Variants in RNF19A observed in about 807,000 individuals in gnomAD.
RNF19A encodes the protein E3 ubiquitin-protein ligase RNF19A.
RNF19A carries 32 observed loss-of-function variants against 75.7 expected under a neutral mutation model. That is an observed-to-expected ratio of 0.42 (90% CI 0.32 to 0.57). The LOEUF (loss-of-function observed/expected upper bound fraction) is 0.57, where lower values mean the gene tolerates loss of function less well. Among genes scored for constraint, RNF19A ranks in the 20% least tolerant of loss-of-function variants. The pLI is 0.10. For synonymous variants in RNF19A, 335 were observed against 345.2 expected (o/e 0.97, Z 0.33); for missense variants, 782 against 1,036.3 (o/e 0.75, Z 3.37).
In RNF19A at chr8:100,329,942, A is replaced by G. The variant is rs1210643563; in HGVS notation, c.-243+6166T>C. Reference sequence around the variant, plus strand: ...ATTTAAATACTTTCCAAAATCATGAACTATCTATTACTGAATATGTTCAAG... The same window carrying G: ...ATTTAAATACTTTCCAAAATCATGAGCTATCTATTACTGAATATGTTCAAG... On this transcript the variant is annotated intron_variant, in intron 1 of 3. Transcript: ENST00000519527. This position sits in a 1 kb window ranked among gnomAD's most constrained non-coding sequence, Gnocchi z 4.3. 6.6e-6 allele frequency among the ~76,000 whole-genome samples: 1 copy of G among 152,248 alleles called. No individual in the cohort carries two copies.
At chr8:100,308,943 T>C (rs916912023) in intron 1 of RNF19A, among the ~76,000 whole-genome samples, 6 of 152,180 alleles carry the variant, frequency 3.9e-5, no homozygotes, top group African/African-American at 9.7e-5. Flanking sequence ...CAAGGGTCAA[T>C]GGGAAAAAAT....
In RNF19A at chr8:100,261,417, T is replaced by G. The variant is rs1444676735; in HGVS notation, c.1682+125A>C. On this transcript the variant is annotated intron_variant, in intron 8 of 9. Transcript: ENST00000341084. The surrounding 1 kb of genome is among the most constrained non-coding windows in gnomAD (Gnocchi z 4.4). ...CTGGCCCCAAATTTCATTTTTAACATTACTATTTTGAACCTTGACATAGTA... is the reference window on the plus strand; with the variant it reads ...CTGGCCCCAAATTTCATTTTTAACAGTACTATTTTGAACCTTGACATAGTA... The G allele has an allele frequency of 1.2e-6, 1 of 859,628 alleles. No individual in the cohort carries two copies. Among genetic ancestry groups the G allele is most frequent in the East Asian group, 2.6e-5 (1 of 38,112 alleles). 53.3% of individuals were successfully genotyped at this position (859,628 alleles called of 1,614,324 possible). A position where few individuals can be genotyped will look rare whatever the true frequency, so the allele number is the denominator to read the frequency against.
intron 5 of RNF19A, among the ~76,000 whole-genome samples, chr8:100,265,687 A>G (rs1819940549): frequency 6.6e-6 from 1 of 152,228 alleles, no homozygotes; most frequent in South Asian, 2.1e-4. Flanking sequence ...ACATGGTATA[A>G]TAACACCTTT....
chr8:100,276,622 GCA>G (rs1260513623), intron 2 of RNF19A, among the ~76,000 whole-genome samples: 1 of 151,192 alleles, frequency 6.6e-6, no homozygotes, highest in Non-Finnish European at 1.5e-5. Context: ...GGGAGTGGTG[GCA>G]CACACCTTTA....
rs142007721 is a variant in RNF19A at position 100,299,772 on chromosome 8, G to GA, written c.-94+10094dup. Among the ~76,000 whole-genome samples, 15 of 148,454 alleles carry GA rather than the reference G, an allele frequency of 1.0e-4. No homozygotes were observed. In the South Asian group the frequency reaches 1.1e-3, roughly 11 times the overall value. On this transcript the variant is annotated intron_variant, in intron 1 of 9. Coordinates refer to ENST00000341084, the MANE Select transcript of RNF19A (RefSeq NM_183419.4). ...AAACTCTGTCTCAAAATAAAAAAAA[G>GA]AAAAAAAAAAGTATTAAGTGTTTGG...
At chr8:100,262,421 A>G (rs909468811) in intron 7 of RNF19A, among the ~76,000 whole-genome samples, 2 of 152,212 alleles carry the variant, frequency 1.3e-5, no homozygotes, top group Admixed American at 6.5e-5. Context: ...GTGAGTCATG[A>G]AATTTTCTAG....
At position 100,258,144 on chromosome 8, in the gene RNF19A, T is replaced by C. The variant is rs560801131; in HGVS notation, c.*412A>G. On this transcript the variant is annotated 3_prime_UTR_variant, in exon 10 of 10. Coordinates refer to ENST00000341084, the MANE Select transcript of RNF19A (RefSeq NM_183419.4). This position sits in a 1 kb window ranked among gnomAD's most constrained non-coding sequence, Gnocchi z 4.3. ...AACCTATGCAGTTCTTTTAAACTTATCTCTTTAGTGGTTTCAATAAAATAT... is the reference window on the plus strand; with the variant it reads ...AACCTATGCAGTTCTTTTAAACTTACCTCTTTAGTGGTTTCAATAAAATAT... The C allele has an allele frequency of 7.0e-4, 282 of 403,868 alleles. No individual in the cohort carries two copies. Among genetic ancestry groups the C allele is most frequent in the Non-Finnish European group, 1.0e-3 (232 of 229,440 alleles). 25.0% of individuals were successfully genotyped at this position (403,868 alleles called of 1,614,324 possible).
upstream of RNF19A, among the ~76,000 whole-genome samples, chr8:100,311,284 T>C (rs889623807): frequency 1.3e-5 from 2 of 152,206 alleles, no homozygotes; most frequent in Non-Finnish European, 2.9e-5. Flanking sequence ...TTATTTTCAT[T>C]TATGGGAAGT....
chr8:100,269,374 T>A lies in RNF19A; in HGVS notation c.1029-427A>T, dbSNP rs1445718007. Among the ~76,000 whole-genome samples the A allele has an allele frequency of 6.6e-6, 1 of 151,832 alleles. No homozygotes were observed. Among genetic ancestry groups the A allele is most frequent in the Non-Finnish European group, 1.5e-5 (1 of 67,918 alleles). ...ATGTATGGGAAAATTCAATGAAGTA[T>A]AAGGTAAGAACCACTGTAAATTATA... On this transcript the variant is annotated intron_variant, in intron 4 of 9. Coordinates refer to ENST00000341084, the MANE Select transcript of RNF19A (RefSeq NM_183419.4). The surrounding 1 kb of genome is among the most constrained non-coding windows in gnomAD (Gnocchi z 5.7).
rs752749789 is a variant in RNF19A, at chr8:100,287,763, G to A, written c.412C>T (p.Arg138Trp). 14 of 1,613,942 alleles carry A rather than the reference G, an allele frequency of 8.7e-6. No homozygotes were observed. Among genetic ancestry groups the A allele is most frequent in the Non-Finnish European group, 1.2e-5 (14 of 1,180,004 alleles). The change falls in exon 2 of 10, where the codon CGG becomes TGG. Residue 138 changes from arginine to tryptophan, a missense_variant. Physicochemically the swap from Arg to Trp is moderately radical, Grantham distance 101. Around this residue, in one of 7 missense-constraint regions of RNF19A, gnomAD observed 85 missense variants for 177.7 expected, o/e 0.48. Transcript: ENST00000341084. The surrounding 1 kb of genome is among the most constrained non-coding windows in gnomAD (Gnocchi z 4.1). The stretch of plus-strand genomic sequence containing the variant: ...TCAGGAAATCTGTCTTTAGAATGCC[G>A]CAAAAGGCACAAAGGGCACTCTATG... Reference protein sequence around the residue: ...DFIECPLCLLRHSKDRFPDIM... With the variant: ...DFIECPLCLLWHSKDRFPDIM...
chr8:100,261,493 TA>T lies in RNF19A; in HGVS notation c.1682+48del. 1 of 1,435,892 alleles carries T rather than the reference TA, an allele frequency of 7.0e-7. No individual in the cohort carries two copies. Among genetic ancestry groups the T allele is most frequent in the Non-Finnish European group, 9.8e-7 (1 of 1,019,510 alleles). 88.9% of individuals were successfully genotyped at this position (1,435,892 alleles called of 1,614,324 possible). On this transcript the variant is annotated intron_variant, in intron 8 of 9. Transcript: ENST00000341084. The surrounding 1 kb of genome is among the most constrained non-coding windows in gnomAD (Gnocchi z 4.4). The stretch of plus-strand genomic sequence containing the variant: ...ATGTTCAAAATTCTCACCTAATTAA[TA>T]ATTTGTAGTTACCAGAAAGCAGAAC...
chr8:100,329,419 C>T lies in RNF19A; in HGVS notation c.-243+6689G>A, dbSNP rs1822581896. Among the ~76,000 whole-genome samples, 1 of 151,750 alleles carries T rather than the reference C, an allele frequency of 6.6e-6. No individual in the cohort carries two copies. Among genetic ancestry groups the T allele is most frequent in the Non-Finnish European group, 1.5e-5 (1 of 67,934 alleles). The stretch of plus-strand genomic sequence containing the variant: ...AGCTCAAAATGAGTGAGTTGTGATA[C>T]AGTGCTGCAAAAACAAAACAAAACA... On this transcript the variant is annotated intron_variant, in intron 1 of 3. Transcript: ENST00000519527. The surrounding 1 kb of genome is among the most constrained non-coding windows in gnomAD (Gnocchi z 4.3).
chr8:100,314,133 C>T (rs1050826169), upstream of RNF19A, among the ~76,000 whole-genome samples: 2 of 151,956 alleles, frequency 1.3e-5, no homozygotes, highest in Non-Finnish European at 2.9e-5. This position sits in a 1 kb window ranked among gnomAD's most constrained non-coding sequence, Gnocchi z 4.1. Flanking sequence ...CTGCCCAGCT[C>T]AGCCTTACAA....
intron 1 of RNF19A, among the ~76,000 whole-genome samples, chr8:100,291,780 A>G (rs904490222): frequency 2.6e-5 from 4 of 152,234 alleles, no homozygotes; most frequent in African/African-American, 9.6e-5. Flanking sequence ...AAATATGGAG[A>G]AAATCCAGTA....
In RNF19A at chr8:100,269,022, A is replaced by G; in HGVS notation, c.1029-75T>C. The G allele has an allele frequency of 8.5e-7, 1 of 1,178,724 alleles. No homozygotes were observed. 73.0% of individuals were successfully genotyped at this position (1,178,724 alleles called of 1,614,324 possible). On this transcript the variant is annotated intron_variant, in intron 4 of 9. Transcript: ENST00000341084. The surrounding 1 kb of genome is among the most constrained non-coding windows in gnomAD (Gnocchi z 5.7). ...ACAAATTAGTGCACTATATTAAAAC[A>G]ATGACTATTTTTAAAAACTTCTCAT...
intron 5 of RNF19A, among the ~76,000 whole-genome samples, chr8:100,268,324 T>C (rs879289529): frequency 1.3e-5 from 2 of 151,988 alleles, no homozygotes; most frequent in Non-Finnish European, 2.9e-5. Flanking sequence ...ATTTGCAAAA[T>C]AGTGTATTTA....
chr8:100,303,261 A>G (rs2130176003), intron 1 of RNF19A: 2 of 152,274 alleles, frequency 1.3e-5, no homozygotes, highest in East Asian at 3.9e-4. Flanking sequence ...GGTGACTATA[A>G]GCATTCCTCG....
intron 1 of RNF19A, among the ~76,000 whole-genome samples, chr8:100,320,154 A>G (rs993614957): frequency 1.6e-4 from 24 of 152,222 alleles, no homozygotes; most frequent in Non-Finnish European, 1.0e-4. Flanking sequence ...TCACATTTTT[A>G]TACTTCTACA....
At chr8:100,292,117 A>T (rs1310358758) in intron 1 of RNF19A, among the ~76,000 whole-genome samples, 3 of 152,174 alleles carry the variant, frequency 2.0e-5, no homozygotes, top group African/African-American at 7.2e-5. Context: ...ACAAATAAAA[A>T]ATACTATGTT....
Sources: allele counts gnomAD v4.1 joint callset (sites outside exome capture counted in the v4.1 genomes callset), GRCh38; gene constraint gnomAD v4.1.1; regional missense constraint gnomAD v4.1.1; non-coding constraint Gnocchi (gnomAD v3.1); transcripts MANE v1.5; gene names NCBI Gene and HGNC (gene_info 2026-07-23, HGNC 2026-07-21).